PRIM2: variants seen among roughly 807,000 people sequenced by gnomAD.
The protein encoded by PRIM2 is DNA primase large subunit.
In PRIM2, 39 loss-of-function variants were observed where a neutral mutation model predicts 67.3. That is an observed-to-expected ratio of 0.58 (90% CI 0.45 to 0.76). The LOEUF (loss-of-function observed/expected upper bound fraction) is 0.76, where lower values mean the gene tolerates loss of function less well. Among genes scored for constraint, PRIM2 ranks in the 30% least tolerant of loss-of-function variants. The pLI, the probability that PRIM2 is intolerant of heterozygous loss-of-function variation, is 0.00. For missense variants in PRIM2, 398 were observed against 598.7 expected (o/e 0.66, Z 3.50); for synonymous variants, 143 against 198.7 (o/e 0.72, Z 2.36).
At chr6:57,459,131 A>C (rs1156437593) in intron 7 of PRIM2, among the ~76,000 whole-genome samples, 11 of 152,216 alleles carry the variant, frequency 7.2e-5, no homozygotes, top group Non-Finnish European at 1.5e-4. Flanking sequence ...TTTTTGCATC[A>C]GTTTAAGTTC....
At chr6:57,445,187 A>G (rs1772325832) in intron 7 of PRIM2, among the ~76,000 whole-genome samples, 1 of 152,204 alleles carries the variant, frequency 6.6e-6, no homozygotes, top group African/African-American at 2.4e-5. Flanking sequence ...GTTTGCCAAC[A>G]TTCTCGTATA....
At chr6:57,614,490 A>G (rs1776718633) in intron 12 of PRIM2, among the ~76,000 whole-genome samples, 1 of 152,162 alleles carries the variant, frequency 6.6e-6, no homozygotes, top group African/African-American at 2.4e-5. Flanking sequence ...ACCAGTGAAT[A>G]ATATATAGAT....
intron 5 of PRIM2, among the ~76,000 whole-genome samples, chr6:57,337,891 T>A (rs1383127169): frequency 1.5e-4 from 23 of 151,394 alleles, no homozygotes; most frequent in South Asian, 2.1e-4. Context: ...GACACAAAAA[T>A]CCCTTCAAAA....
At chr6:57,300,032 A>AC in the PRIM2 span, among the ~76,000 whole-genome samples, 10 of 151,970 alleles carry the variant, frequency 6.6e-5, no homozygotes, top group South Asian at 4.2e-4. Flanking sequence ...CTCCCATGGG[A>AC]CCCCCCAACT....
chr6:57,480,111 T>C (rs1157576429), intron 7 of PRIM2, among the ~76,000 whole-genome samples: 4 of 151,786 alleles, frequency 2.6e-5, no homozygotes, highest in African/African-American at 9.7e-5. Flanking sequence ...GTGTCATAAA[T>C]GCATGACATG....
chr6:57,288,274 TAAAC>T, the PRIM2 span, among the ~76,000 whole-genome samples: 298 of 152,142 alleles, frequency 2.0e-3, 2 homozygotes, highest in African/African-American at 6.7e-3. Context: ...GCTCACAGCG[TAAAC>T]AAAGAGCCTG....
intron 7 of PRIM2, among the ~76,000 whole-genome samples, chr6:57,422,536 A>T (rs1221783760): frequency 2.0e-5 from 3 of 152,168 alleles, no homozygotes; most frequent in Non-Finnish European, 4.4e-5. Flanking sequence ...TGATGACCTG[A>T]GTATTATTAC....
Position 57,385,439 on chromosome 6 carries a change from G to T in PRIM2, c.693+3271G>T, listed in dbSNP as rs552999154. On this transcript the variant is annotated intron_variant, in intron 7 of 13. Coordinates refer to ENST00000615550, the MANE Select transcript of PRIM2 (RefSeq NM_000947.5). Reference sequence around the variant, plus strand: ...CCATTTGAGAATAAGTTCCCAGCCTGATGTCTTGGCACCCCCAATACTTGT... The same window carrying T: ...CCATTTGAGAATAAGTTCCCAGCCTTATGTCTTGGCACCCCCAATACTTGT... 7.2e-5 allele frequency among the ~76,000 whole-genome samples: 11 copies of T among 152,260 alleles called. No individual in the cohort carries two copies. The East Asian group carries it at 1.9e-3, about 27-fold the overall frequency.
At chr6:57,337,526 C>G (rs1316426057) in intron 5 of PRIM2, among the ~76,000 whole-genome samples, 2 of 151,888 alleles carry the variant, frequency 1.3e-5, no homozygotes, top group Non-Finnish European at 2.9e-5. Flanking sequence ...GACCACAGTG[C>G]AATCAAACTA....
chr6:57,646,607 T>TAACA lies in PRIM2; in HGVS notation c.*451_*454dup, dbSNP rs1777339643. 1 of 153,240 alleles carries TAACA rather than the reference T, an allele frequency of 6.5e-6. No individual in the cohort carries two copies. The highest frequency in any genetic ancestry group is 1.5e-5 in the Non-Finnish European group (1 of 68,952). The allele number at this position is 153,240 out of a possible 1,614,324, so 9.5% of individuals were successfully genotyped here. On this transcript the variant is annotated 3_prime_UTR_variant, in exon 14 of 14. Transcript: ENST00000615550. Reference sequence around the variant, plus strand: ...ACTTATTAGGAAAGGAGGTTTGAGGTAACAACAGAGACTTTCACTATATTT... The same window carrying TAACA: ...ACTTATTAGGAAAGGAGGTTTGAGGTAACAAACAACAGAGACTTTCACTATATTT...
At chr6:57,429,398 C>T (rs1329676298) in intron 7 of PRIM2, among the ~76,000 whole-genome samples, 7 of 152,106 alleles carry the variant, frequency 4.6e-5, no homozygotes, top group African/African-American at 9.7e-5. Context: ...TTTCAGTAAA[C>T]GGACTTATTA....
intron 5 of PRIM2, among the ~76,000 whole-genome samples, chr6:57,344,944 G>C (rs1242274121): frequency 6.6e-6 from 1 of 152,032 alleles, no homozygotes; most frequent in East Asian, 1.9e-4. Context: ...ATCATATGCA[G>C]AAATTTCCAA....
chr6:57,618,213 A>C (rs1176126332), intron 12 of PRIM2, among the ~76,000 whole-genome samples: 62 of 152,250 alleles, frequency 4.1e-4, no homozygotes, highest in South Asian at 1.7e-3. Flanking sequence ...TATTTTGGCT[A>C]TCTGGAGCTC....
At chr6:57,453,196 G>A (rs1772619496) in intron 7 of PRIM2, among the ~76,000 whole-genome samples, 2 of 152,168 alleles carry the variant, frequency 1.3e-5, no homozygotes, top group African/African-American at 2.4e-5. Context: ...TAGCCTTGTA[G>A]TATAGTTTGA....
At chr6:57,234,675 C>T in the PRIM2 span, among the ~76,000 whole-genome samples, 1 of 152,116 alleles carries the variant, frequency 6.6e-6, no homozygotes, top group South Asian at 2.1e-4. Context: ...AGGTGCATAC[C>T]ACCATGCCCA....
chr6:57,586,462 G>T (rs1776188820), intron 10 of PRIM2, among the ~76,000 whole-genome samples: 1 of 152,104 alleles, frequency 6.6e-6, no homozygotes, highest in Non-Finnish European at 1.5e-5. Context: ...ATTTAATGAT[G>T]GCTGGAGAAG....
At chr6:57,565,142 T>C (rs1176246600) in intron 10 of PRIM2, among the ~76,000 whole-genome samples, 1 of 152,186 alleles carries the variant, frequency 6.6e-6, no homozygotes, top group Non-Finnish European at 1.5e-5. Context: ...ATCATAATAG[T>C]TTATGAAACA....
Position 57,569,013 on chromosome 6 carries a change from A to G in PRIM2, c.1020+31388A>G, listed in dbSNP as rs1206769238. 1.4e-3 allele frequency among the ~76,000 whole-genome samples: 213 copies of G among 152,358 alleles called. 5 individuals carry two copies. In the East Asian group the frequency reaches 0.019, roughly 14 times the overall value. On this transcript the variant is annotated intron_variant, in intron 10 of 13. Coordinates refer to ENST00000615550, the MANE Select transcript of PRIM2 (RefSeq NM_000947.5). ...AGTGTAAGTTCTTTCTGAACTTCAG[A>G]TTGCTATTGCACCAAAGTTAGGATG...
chr6:57,316,165 C>G (rs1370693130), upstream of PRIM2, among the ~76,000 whole-genome samples: 2 of 152,176 alleles, frequency 1.3e-5, no homozygotes, highest in African/African-American at 4.8e-5. Context: ...CTAGAAAATA[C>G]GTTTAATATA....
Sources: gnomAD v4.1 joint callset for allele counts (sites outside exome capture counted in the v4.1 genomes callset) on GRCh38, gnomAD v4.1.1 for gene constraint, MANE v1.5 for transcripts, NCBI Gene and HGNC (gene_info 2026-07-23, HGNC 2026-07-21) for gene names.